ENTREP2: variants seen among roughly 807,000 people sequenced by gnomAD.
The protein encoded by ENTREP2 is protein ENTREP2.
chr15:29,626,203 T>A, the ENTREP2 span, among the ~76,000 whole-genome samples: 1 of 152,192 alleles, frequency 6.6e-6, no homozygotes, highest in African/African-American at 2.4e-5. Context: ...CTATACTCAC[T>A]TAGCTCTAGG....
At chr15:29,570,728 C>T in the ENTREP2 span, 1 of 989,760 alleles carries the variant, frequency 1.0e-6, no homozygotes, top group Non-Finnish European at 1.2e-6. Context: ...AGGCATCGCG[C>T]CGGGCGCCCG....
At chr15:29,324,968 A>G in the ENTREP2 span, among the ~76,000 whole-genome samples, 2 of 152,326 alleles carry the variant, frequency 1.3e-5, no homozygotes, top group East Asian at 3.9e-4. Context: ...ACAAATTTAA[A>G]AGAACTGAAA....
the ENTREP2 span, among the ~76,000 whole-genome samples, chr15:29,575,190 A>G: frequency 6.6e-6 from 1 of 152,076 alleles, no homozygotes; most frequent in Non-Finnish European, 1.5e-5. Flanking sequence ...AATAAGTCAA[A>G]CTTCCCTCTT....
the ENTREP2 span, among the ~76,000 whole-genome samples, chr15:29,140,602 GTTCCTTC>G: frequency 6.6e-6 from 1 of 152,028 alleles, no homozygotes; most frequent in African/African-American, 2.4e-5. Flanking sequence ...AACACGTATT[GTTCCTTC>G]TTCCCAGCTC....
the ENTREP2 span, chr15:29,610,235 AG>A: frequency 6.6e-6 from 1 of 150,764 alleles, no homozygotes; most frequent in Admixed American, 6.7e-5. Flanking sequence ...GTCTACACCT[AG>A]AAAAACTTCA....
the ENTREP2 span, among the ~76,000 whole-genome samples, chr15:29,445,738 TC>T: frequency 6.6e-6 from 1 of 152,174 alleles, no homozygotes; most frequent in African/African-American, 2.4e-5. Context: ...ATGCCAGCCA[TC>T]CCACTCCTGG....
the ENTREP2 span, among the ~76,000 whole-genome samples, chr15:29,443,377 G>A: frequency 3.3e-5 from 5 of 152,124 alleles, no homozygotes; most frequent in Non-Finnish European, 7.3e-5. Context: ...AAAGATGCCC[G>A]GCGTTCCAAA....
chr15:29,124,769 A>T, the ENTREP2 span: 1 of 1,550,020 alleles, frequency 6.5e-7, no homozygotes, highest in Non-Finnish European at 8.7e-7. Flanking sequence ...CGCCTTAACC[A>T]GAAGGAGAAT....
At chr15:29,273,108 AG>A in the ENTREP2 span, among the ~76,000 whole-genome samples, 1 of 151,148 alleles carries the variant, frequency 6.6e-6, no homozygotes, top group Non-Finnish European at 1.5e-5. Context: ...CTTGGCCAAG[AG>A]GGGGTCTGTT....
At chr15:29,607,560 A>G in the ENTREP2 span, among the ~76,000 whole-genome samples, 209 of 152,156 alleles carry the variant, frequency 1.4e-3, no homozygotes, top group African/African-American at 4.9e-3. Context: ...CATGTACTTA[A>G]TGTCTTTTTC....
At chr15:29,134,947 C>T in the ENTREP2 span, among the ~76,000 whole-genome samples, 105 of 152,166 alleles carry the variant, frequency 6.9e-4, no homozygotes, top group Non-Finnish European at 1.3e-3. Flanking sequence ...ATCTGATGCC[C>T]GGTACCAGTG....
the ENTREP2 span, among the ~76,000 whole-genome samples, chr15:29,342,678 A>G: frequency 6.6e-6 from 1 of 152,202 alleles, no homozygotes; most frequent in East Asian, 1.9e-4. Context: ...TTTGCCTGAC[A>G]TGGCAGGTGA....
chr15:29,623,493 G>A, the ENTREP2 span, among the ~76,000 whole-genome samples: 9,869 of 152,216 alleles, frequency 0.065, 374 homozygotes, highest in African/African-American at 0.097. Context: ...AAGTAAACGT[G>A]AAAAATGAGG....
At chr15:29,425,116 C>T in the ENTREP2 span, among the ~76,000 whole-genome samples, 4 of 152,122 alleles carry the variant, frequency 2.6e-5, no homozygotes, top group Non-Finnish European at 5.9e-5. Context: ...GCAAGCTCCA[C>T]CTCCAGGGTT....
At chr15:29,316,942 A>G in the ENTREP2 span, among the ~76,000 whole-genome samples, 14 of 152,216 alleles carry the variant, frequency 9.2e-5, no homozygotes, top group African/African-American at 3.1e-4. Flanking sequence ...GTTTTATTAC[A>G]TATTACAAAG....
chr15:29,471,850 A>G, the ENTREP2 span, among the ~76,000 whole-genome samples: 1 of 152,128 alleles, frequency 6.6e-6, no homozygotes, highest in Non-Finnish European at 1.5e-5. Flanking sequence ...GGCAGCCCAC[A>G]TGCACACGTG....
At chr15:29,509,359 T>C in the ENTREP2 span, among the ~76,000 whole-genome samples, 3 of 152,176 alleles carry the variant, frequency 2.0e-5, no homozygotes, top group Admixed American at 6.5e-5. Context: ...GCTATTCCCA[T>C]CAAGCTACCA....
the ENTREP2 span, among the ~76,000 whole-genome samples, chr15:29,663,928 T>A: frequency 6.6e-6 from 1 of 151,522 alleles, no homozygotes; most frequent in African/African-American, 2.4e-5. Context: ...CCTGAGAGGC[T>A]GAGGCAGGAG....
At chr15:29,166,993 T>C in the ENTREP2 span, among the ~76,000 whole-genome samples, 1 of 152,110 alleles carries the variant, frequency 6.6e-6, no homozygotes, top group African/African-American at 2.4e-5. Flanking sequence ...TGGAACAGAA[T>C]ACAGAACCCA....
Sources: gnomAD v4.1 joint callset for allele counts (sites outside exome capture counted in the v4.1 genomes callset) on GRCh38, gnomAD v4.1.1 for gene constraint, MANE v1.5 for transcripts, NCBI Gene and HGNC (gene_info 2026-07-23, HGNC 2026-07-21) for gene names.